HHLA2: variants seen among roughly 807,000 people sequenced by gnomAD.
HHLA2 encodes the protein HERV-H LTR-associating protein 2.
In HHLA2, 48 loss-of-function variants were observed where a neutral mutation model predicts 45.9. That is an observed-to-expected ratio of 1.05 (90% CI 0.83 to 1.33). HHLA2 has a LOEUF of 1.33. Among genes scored for constraint, HHLA2 ranks in the 40% most tolerant of loss-of-function variants. The pLI, the probability that HHLA2 is intolerant of heterozygous loss-of-function variation, is 0.00. For missense variants in HHLA2, 462 were observed against 494.3 expected, an observed-to-expected ratio of 0.93 and a Z score of 0.62; for synonymous variants, 161 against 173.9, an observed-to-expected ratio of 0.93 and a Z score of 0.59.
Position 108,355,104 on chromosome 3 carries a change from C to G in HHLA2, c.419-11C>G. 1 of 1,604,828 alleles carries G rather than the reference C, an allele frequency of 6.2e-7. No individual in the cohort carries two copies. The highest frequency in any genetic ancestry group is 8.5e-7 in the Non-Finnish European group (1 of 1,174,814). The stretch of plus-strand genomic sequence containing the variant: ...GGCAGTTTTTCATGCGCCCTTCTTT[C>G]TCCTATGTAGTTTTTCTCACACCCG... On this transcript the variant is annotated splice_polypyrimidine_tract_variant and intron_variant, in intron 5 of 10. Transcript: ENST00000619531.
intron 8 of HHLA2, among the ~76,000 whole-genome samples, chr3:108,366,416 C>A (rs1381780127): frequency 3.3e-5 from 5 of 152,196 alleles, no homozygotes; most frequent in African/African-American, 1.2e-4. Context: ...TGATGTTCAT[C>A]AGGGATATTC....
At chr3:108,319,615 C>T (rs1048291279) in intron 2 of HHLA2, among the ~76,000 whole-genome samples, 1 of 152,214 alleles carries the variant, frequency 6.6e-6, no homozygotes, top group Non-Finnish European at 1.5e-5. Context: ...CTTTTAGGTA[C>T]TTGAAGTTCC....
chr3:108,357,874 T>A, exon 7 of HHLA2: 1 of 1,612,884 alleles, frequency 6.2e-7, no homozygotes, highest in Non-Finnish European at 8.5e-7. Flanking sequence ...AGTGAACACG[T>A]TTCACTCTCA....
chr3:108,366,705 G>A (rs973664695), intron 8 of HHLA2, among the ~76,000 whole-genome samples: 3 of 152,158 alleles, frequency 2.0e-5, no homozygotes, highest in African/African-American at 7.2e-5. Flanking sequence ...TTAGTCTTAG[G>A]AGGGTGTCCG....
chr3:108,298,346 T>G (rs1023221384), intron 1 of HHLA2, among the ~76,000 whole-genome samples: 4 of 152,226 alleles, frequency 2.6e-5, no homozygotes, highest in African/African-American at 9.6e-5. Context: ...AATCCTGCTA[T>G]TCTGGCTTAT....
At chr3:108,361,702 T>C (rs2081987297) in intron 7 of HHLA2, among the ~76,000 whole-genome samples, 1 of 152,052 alleles carries the variant, frequency 6.6e-6, no homozygotes, top group Non-Finnish European at 1.5e-5. Flanking sequence ...CTTGGGGGAC[T>C]TGGAATGTAT....
chr3:108,339,782 C>A (rs566566556), intron 3 of HHLA2, among the ~76,000 whole-genome samples: 6 of 152,156 alleles, frequency 3.9e-5, no homozygotes, highest in Non-Finnish European at 8.8e-5. Context: ...TTCCTCCTGT[C>A]AAACTTACCA....
chr3:108,346,323 T>G (rs2081659918), intron 3 of HHLA2, among the ~76,000 whole-genome samples: 1 of 152,180 alleles, frequency 6.6e-6, no homozygotes, highest in South Asian at 2.1e-4. Flanking sequence ...TTTTGTTCTT[T>G]TTCTGTCTAA....
intron 6 of HHLA2, among the ~76,000 whole-genome samples, chr3:108,356,320 G>A (rs1176221555): frequency 2.6e-5 from 4 of 152,032 alleles, no homozygotes; most frequent in African/African-American, 9.7e-5. Context: ...GTGAGCCACC[G>A]TGCCCAGCCT....
In HHLA2 at chr3:108,354,934, A is replaced by G. The variant is rs1014582956; in HGVS notation, c.419-181A>G. 2.4e-4 allele frequency among the ~76,000 whole-genome samples: 36 copies of G among 152,068 alleles called. 1 individual carries two copies. The highest frequency in any genetic ancestry group is 2.9e-4 in the Non-Finnish European group (20 of 68,014). On this transcript the variant is annotated intron_variant, in intron 5 of 10. Coordinates refer to ENST00000619531, the Ensembl canonical transcript of HHLA2. ...TTTATTTCTTCTAGATAACCACACTATATCTTAAGGTTCTACAGAGGTGTG... is the reference window on the plus strand; with the variant it reads ...TTTATTTCTTCTAGATAACCACACTGTATCTTAAGGTTCTACAGAGGTGTG...
At chr3:108,335,707 T>A (rs561929119) in intron 3 of HHLA2, among the ~76,000 whole-genome samples, 3 of 152,152 alleles carry the variant, frequency 2.0e-5, no homozygotes, top group Non-Finnish European at 2.9e-5. Context: ...GAGGCTGAAC[T>A]GACCTGACGG....
At chr3:108,366,427 G>A (rs1037818639) in intron 8 of HHLA2, among the ~76,000 whole-genome samples, 2 of 152,112 alleles carry the variant, frequency 1.3e-5, no homozygotes, top group Non-Finnish European at 2.9e-5. Flanking sequence ...AGGGATATTC[G>A]CCTGAAGTTT....
intron 3 of HHLA2, among the ~76,000 whole-genome samples, chr3:108,346,595 C>A (rs1177014416): frequency 6.6e-6 from 1 of 152,174 alleles, no homozygotes; most frequent in East Asian, 1.9e-4. Context: ...AGAGAATTGA[C>A]CTGTTCTTGT....
At chr3:108,356,408 T>C (rs992057856) in intron 6 of HHLA2, among the ~76,000 whole-genome samples, 2 of 152,170 alleles carry the variant, frequency 1.3e-5, no homozygotes, top group African/African-American at 4.8e-5. Flanking sequence ...GTTATCTTTT[T>C]TTTTCAGTCT....
chr3:108,326,601 A>G (rs903262979), intron 2 of HHLA2: 2 of 152,310 alleles, frequency 1.3e-5, no homozygotes, highest in Admixed American at 6.5e-5. Context: ...ATGGCTTTGC[A>G]TTCATGGCTA....
At chr3:108,301,150 C>T (rs1336688175) in intron 1 of HHLA2, among the ~76,000 whole-genome samples, 1 of 150,664 alleles carries the variant, frequency 6.6e-6, no homozygotes. Context: ...AACCAATGTT[C>T]CCTATTGAAT....
intron 3 of HHLA2, among the ~76,000 whole-genome samples, chr3:108,351,371 T>C (rs943162093): frequency 1.3e-5 from 2 of 152,194 alleles, no homozygotes; most frequent in Non-Finnish European, 2.9e-5. Flanking sequence ...AATGTGTCCA[T>C]GTAGAAAGCT....
At chr3:108,376,875 C>A in intron 10 of HHLA2, 1 of 340,512 alleles carries the variant, frequency 2.9e-6, no homozygotes, top group Non-Finnish European at 5.4e-6. Flanking sequence ...AAGCATGAAA[C>A]ATGGGATTGT....
intron 8 of HHLA2, among the ~76,000 whole-genome samples, chr3:108,364,214 A>C (rs1013506748): frequency 6.6e-6 from 1 of 152,102 alleles, no homozygotes; most frequent in Non-Finnish European, 1.5e-5. Context: ...TCATTGTTCA[A>C]TTCCCACCTA....
Sources: gnomAD v4.1 joint callset for allele counts (sites outside exome capture counted in the v4.1 genomes callset) on GRCh38, gnomAD v4.1.1 for gene constraint, MANE v1.5 for transcripts, NCBI Gene and HGNC (gene_info 2026-07-23, HGNC 2026-07-21) for gene names.